The following GPC5 variants were observed in gnomAD, a reference collection of about 807,000 sequenced individuals.
The protein encoded by GPC5 is glypican 5.
A neutral mutation model predicts 53.9 loss-of-function variants in GPC5; 47 were observed. That is an observed-to-expected ratio of 0.87 (90% CI 0.69 to 1.11). The LOEUF (loss-of-function observed/expected upper bound fraction) is 1.11. GPC5 is among the 50% of genes most tolerant of loss of function. The pLI is 0.00. For synonymous variants in GPC5, 286 were observed against 263.3 expected (o/e 1.09, Z -0.84); for missense variants, 748 against 713.1 (o/e 1.05, Z -0.56).
intron 2 of GPC5, among the ~76,000 whole-genome samples, chr13:91,661,985 G>A (rs1466151914): frequency 6.6e-6 from 1 of 152,170 alleles, no homozygotes; most frequent in Non-Finnish European, 1.5e-5. Flanking sequence ...TTTGAGCACA[G>A]TCTAGACATG....
At chr13:92,478,211 G>A (rs1566608061) in intron 7 of GPC5, among the ~76,000 whole-genome samples, 1 of 152,042 alleles carries the variant, frequency 6.6e-6, no homozygotes, top group Non-Finnish European at 1.5e-5. Flanking sequence ...AGACCCAATA[G>A]AGAAAAAATA....
intron 5 of GPC5, among the ~76,000 whole-genome samples, chr13:91,892,670 G>C (rs1566326911): frequency 6.6e-6 from 1 of 151,556 alleles, no homozygotes; most frequent in Non-Finnish European, 1.5e-5. Context: ...AATGTAACTT[G>C]TTATGTCTTA....
At chr13:91,828,716 G>A (rs1222112781) in intron 5 of GPC5, among the ~76,000 whole-genome samples, 1 of 151,976 alleles carries the variant, frequency 6.6e-6, no homozygotes, top group African/African-American at 2.4e-5. Flanking sequence ...GGCACAATTT[G>A]AGTATCAGAA....
At chr13:91,587,526 A>G (rs936900781) in intron 2 of GPC5, among the ~76,000 whole-genome samples, 6 of 151,988 alleles carry the variant, frequency 3.9e-5, no homozygotes, top group African/African-American at 1.4e-4. Flanking sequence ...TTGCCTCCCT[A>G]CCTCTTACTT....
chr13:92,668,903 G>C (rs1157993599), intron 7 of GPC5, among the ~76,000 whole-genome samples: 1 of 151,908 alleles, frequency 6.6e-6, no homozygotes, highest in East Asian at 1.9e-4. Flanking sequence ...AAGATTAATG[G>C]TTATATATCA....
In GPC5 at chr13:92,698,168, C is replaced by CT. The variant is rs926993373; in HGVS notation, c.1562-168105dup. Among the ~76,000 whole-genome samples the CT allele has an allele frequency of 6.2e-4, 93 of 150,420 alleles. 1 individual carries two copies. In the South Asian group the frequency reaches 0.013, roughly 22 times the overall value. ...TATTGGCCTGAAATTTTCTTTTTTT[C>CT]TTTTTTTTTAATTATACTTTAAGAT... On this transcript the variant is annotated intron_variant, in intron 7 of 7. Coordinates refer to ENST00000377067, the MANE Select transcript of GPC5 (RefSeq NM_004466.6).
intron 7 of GPC5, among the ~76,000 whole-genome samples, chr13:92,449,218 G>A (rs1238204514): frequency 1.3e-5 from 2 of 152,140 alleles, no homozygotes; most frequent in African/African-American, 4.8e-5. Flanking sequence ...GATAACAATA[G>A]TGGTTAACAT....
intron 6 of GPC5, among the ~76,000 whole-genome samples, chr13:91,939,416 A>G (rs781254613): frequency 2.0e-5 from 3 of 152,148 alleles, no homozygotes; most frequent in Non-Finnish European, 4.4e-5. Context: ...CTAGAACTCT[A>G]ATCTCTAGGT....
Position 92,803,813 on chromosome 13 carries a change from C to A in GPC5, c.1562-62469C>A, listed in dbSNP as rs139054138. 2.4e-4 allele frequency among the ~76,000 whole-genome samples: 36 copies of A among 151,946 alleles called. 2 individuals carry two copies. The East Asian group carries it at 6.4e-3, about 27-fold the overall frequency. On this transcript the variant is annotated intron_variant, in intron 7 of 7. Coordinates refer to ENST00000377067, the MANE Select transcript of GPC5 (RefSeq NM_004466.6). ...GGGTATTATATGGCACAAGCTAAAT[C>A]ATGTATTGTTTCTCTTTACAATGAT... is the stretch of plus-strand genomic sequence containing the variant.
intron 7 of GPC5, among the ~76,000 whole-genome samples, chr13:92,787,667 C>CAAA (rs71202562): frequency 0.02 from 1,136 of 56,206 alleles, 58 homozygotes; most frequent in African/African-American, 0.079. Flanking sequence ...CTCATAGCTA[C>CAAA]AAAAAAAAAA....
chr13:92,847,477 A>G (rs2138840327), intron 7 of GPC5, among the ~76,000 whole-genome samples: 1 of 152,170 alleles, frequency 6.6e-6, no homozygotes, highest in East Asian at 1.9e-4. Flanking sequence ...GTGAGTTCTC[A>G]TGAGATCTGG....
chr13:92,462,268 G>A (rs1878518111), intron 7 of GPC5, among the ~76,000 whole-genome samples: 1 of 152,160 alleles, frequency 6.6e-6, no homozygotes, highest in South Asian at 2.1e-4. Context: ...GCACCAATGA[G>A]GAGAGTTTGT....
chr13:91,855,346 A>C (rs894925866), intron 5 of GPC5, among the ~76,000 whole-genome samples: 3 of 151,636 alleles, frequency 2.0e-5, no homozygotes, highest in African/African-American at 7.2e-5. Context: ...ATCTACCTTA[A>C]AGTATCTGTA....
At chr13:91,530,255 G>A (rs1356134551) in intron 2 of GPC5, among the ~76,000 whole-genome samples, 1 of 152,184 alleles carries the variant, frequency 6.6e-6, no homozygotes, top group African/African-American at 2.4e-5. Flanking sequence ...GATATCCCTG[G>A]AGAGTGGTTT....
intron 5 of GPC5, among the ~76,000 whole-genome samples, chr13:91,807,724 G>A (rs536820272): frequency 5.9e-5 from 9 of 152,102 alleles, no homozygotes; most frequent in African/African-American, 2.2e-4. Context: ...CGAATTGATC[G>A]CCTAAACAAA....
At chr13:92,323,448 T>A (rs929216774) in intron 7 of GPC5, among the ~76,000 whole-genome samples, 2 of 151,428 alleles carry the variant, frequency 1.3e-5, no homozygotes, top group Non-Finnish European at 3.0e-5. Context: ...TTAACTAGTT[T>A]GAACTGATTA....
intron 7 of GPC5, among the ~76,000 whole-genome samples, chr13:92,784,026 G>T (rs1377519775): frequency 6.6e-6 from 1 of 152,110 alleles, no homozygotes; most frequent in Non-Finnish European, 1.5e-5. Flanking sequence ...AGGAGTTAAA[G>T]AATTTGAGAC....
intron 7 of GPC5, among the ~76,000 whole-genome samples, chr13:92,529,683 T>C (rs1881485140): frequency 6.6e-6 from 1 of 152,110 alleles, no homozygotes; most frequent in African/African-American, 2.4e-5. Context: ...CTAAACTATA[T>C]AAGAAAACAC....
chr13:92,733,754 T>C (rs1312358118), intron 7 of GPC5, among the ~76,000 whole-genome samples: 1 of 151,824 alleles, frequency 6.6e-6, no homozygotes, highest in African/African-American at 2.4e-5. Context: ...GAAAAACATG[T>C]TTCTTTTCCT....
Sources: allele counts gnomAD v4.1 joint callset (sites outside exome capture counted in the v4.1 genomes callset), GRCh38; gene constraint gnomAD v4.1.1; transcripts MANE v1.5; gene names NCBI Gene and HGNC (gene_info 2026-07-23, HGNC 2026-07-21).